PDK1: variants seen among roughly 807,000 people sequenced by gnomAD.
The protein encoded by PDK1 is [Pyruvate dehydrogenase (acetyl-transferring)] kinase isozyme 1, mitochondrial.
In PDK1, 39 loss-of-function variants were observed where a neutral mutation model predicts 54.2. The ratio of observed to expected loss-of-function variants is 0.72; its 90% CI spans 0.56 to 0.94. The LOEUF (loss-of-function observed/expected upper bound fraction) is 0.94, where lower values mean the gene tolerates loss of function less well. Ranked by LOEUF, PDK1 falls within the 40% of genes least tolerant of loss-of-function variation. PDK1 has a pLI of 0.00. For missense variants in PDK1, 552 were observed against 566.0 expected (o/e 0.98, Z 0.25); for synonymous variants, 221 against 207.1 (o/e 1.07, Z -0.58).
chr2:172,653,431 C>A, the PDK1 span, among the ~76,000 whole-genome samples: 5 of 152,034 alleles, frequency 3.3e-5, no homozygotes, highest in African/African-American at 1.2e-4. Context: ...GGTGAAACTC[C>A]ATCTCTACTA....
the PDK1 span, among the ~76,000 whole-genome samples, chr2:172,638,138 C>A: frequency 2.0e-5 from 3 of 152,138 alleles, no homozygotes; most frequent in Non-Finnish European, 4.4e-5. Flanking sequence ...GGTGATCAAC[C>A]AACCTGCCCA....
the PDK1 span, among the ~76,000 whole-genome samples, chr2:172,642,764 G>A: frequency 2.0e-5 from 3 of 147,770 alleles, no homozygotes; most frequent in Non-Finnish European, 4.5e-5. Context: ...TCTCCTCTTC[G>A]TCTTCCTTCT....
At chr2:172,559,035 G>C (rs1257786831) in intron 2 of PDK1, among the ~76,000 whole-genome samples, 186 bp downstream of exon 2, 3 of 152,156 alleles carry the variant, frequency 2.0e-5, no homozygotes, top group African/African-American at 7.2e-5. Context: ...TGCAAGCTCC[G>C]CCTCCCGGGT....
At chr2:172,568,926 A>C in intron 7 of PDK1, 109 bp downstream of exon 7, 2 of 690,810 alleles carry the variant, frequency 2.9e-6, no homozygotes. Context: ...GTGCCATTTC[A>C]CATCAGTATC....
the PDK1 span, among the ~76,000 whole-genome samples, chr2:172,653,843 C>G: frequency 6.6e-6 from 1 of 152,122 alleles, no homozygotes; most frequent in African/African-American, 2.4e-5. Context: ...AGGCAACCTA[C>G]AGAACGGGAG....
rs1292785010 is a variant in PDK1 at position 172,595,937 on chromosome 2, C to T, written c.1279C>T (p.Pro427Ser). The T allele has an allele frequency of 2.5e-6, 4 of 1,613,418 alleles. No individual in the cohort carries two copies. In the African/African-American group the frequency reaches 4.0e-5, roughly 16 times the overall value. The change falls in exon 11 of 11, where the codon CCC becomes TCC. Residue 427 changes from proline (P) to serine (S), a missense_variant. Pro to Ser is a moderately conservative substitution (Grantham distance 74, BLOSUM62 -1). Coordinates refer to ENST00000282077, the MANE Select transcript of PDK1 (RefSeq NM_002610.5). ...TGACTGGTGCGTCCCCAGCAGAGAA[C>T]CCAAAGACATGACGACGTTCCGCAG... ...ADDWCVPSRE[P>S]KDMTTFRSA
downstream of PDK1, among the ~76,000 whole-genome samples, chr2:172,611,267 A>T (rs1691453297): frequency 6.6e-6 from 1 of 152,180 alleles, no homozygotes; most frequent in African/African-American, 2.4e-5. Flanking sequence ...TCTCTCATTG[A>T]CTGTTTTCAT....
chr2:172,652,469 G>C, the PDK1 span, among the ~76,000 whole-genome samples: 376 of 137,348 alleles, frequency 2.7e-3, 6 homozygotes, highest in African/African-American at 0.012. Flanking sequence ...TTCTGGCCAG[G>C]GCAATCAGGC....
At chr2:172,582,578 A>C (rs1331379775) in intron 8 of PDK1, among the ~76,000 whole-genome samples, 1 of 152,182 alleles carries the variant, frequency 6.6e-6, no homozygotes, top group Non-Finnish European at 1.5e-5. Flanking sequence ...TATCTTAATA[A>C]GGTTTCGTGT....
chr2:172,647,862 G>A, the PDK1 span, among the ~76,000 whole-genome samples: 4 of 152,122 alleles, frequency 2.6e-5, no homozygotes, highest in Non-Finnish European at 5.9e-5. Context: ...ACAAAGAAAC[G>A]CAGCAGACAC....
the PDK1 span, among the ~76,000 whole-genome samples, chr2:172,716,950 A>G: frequency 2.0e-5 from 3 of 152,168 alleles, no homozygotes; most frequent in Non-Finnish European, 4.4e-5. Flanking sequence ...CAGTCCAATA[A>G]AATTAAAACC....
chr2:172,678,815 G>A, the PDK1 span: 1 of 152,184 alleles, frequency 6.6e-6, no homozygotes, highest in Non-Finnish European at 1.5e-5. Context: ...TTCAAAGGCA[G>A]AAAAACCTTT....
the PDK1 span, among the ~76,000 whole-genome samples, chr2:172,684,350 A>G: frequency 1.3e-5 from 2 of 152,292 alleles, no homozygotes; most frequent in East Asian, 3.9e-4. Context: ...TAAGCCTGGG[A>G]GGTGGAGATT....
the PDK1 span, among the ~76,000 whole-genome samples, chr2:172,708,593 C>T: frequency 1.2e-4 from 18 of 152,246 alleles, no homozygotes; most frequent in Non-Finnish European, 1.3e-4. Context: ...CTGGGAAAAA[C>T]AGCCAAAATA....
the PDK1 span, among the ~76,000 whole-genome samples, chr2:172,656,142 C>T: frequency 6.6e-6 from 1 of 152,146 alleles, no homozygotes; most frequent in Non-Finnish European, 1.5e-5. Context: ...TCCTCAAGTA[C>T]AATTAGGTAG....
chr2:172,614,908 T>C, the PDK1 span, among the ~76,000 whole-genome samples: 6 of 152,380 alleles, frequency 3.9e-5, no homozygotes, highest in South Asian at 1.2e-3. Flanking sequence ...TTCTGAATTT[T>C]AAGTTGTATT....
Position 172,607,669 on chromosome 2 carries a change from C to CA in PDK1, c.*11701dup, listed in dbSNP as rs1198856804. ...TACTAGGAAGGAGGTTGGCCAAACT[C>CA]AGAGTGGAGGCTGACCCTGTATCTG... is the stretch of plus-strand genomic sequence containing the variant. On this transcript the variant is annotated 3_prime_UTR_variant, in exon 11 of 11. Transcript: ENST00000282077. The CA allele has an allele frequency of 6.6e-6, 1 of 152,258 alleles. No homozygotes were observed. Among genetic ancestry groups the CA allele is most frequent in the Non-Finnish European group, 1.5e-5 (1 of 68,104 alleles). 9.4% of individuals were successfully genotyped at this position (152,258 alleles called of 1,614,324 possible). A position where few individuals can be genotyped will look rare whatever the true frequency, so the allele number is the denominator to read the frequency against.
At chr2:172,583,110 C>G (rs1371517550) in intron 8 of PDK1, among the ~76,000 whole-genome samples, 1 of 152,000 alleles carries the variant, frequency 6.6e-6, no homozygotes, top group Non-Finnish European at 1.5e-5. Context: ...CACATACTTC[C>G]TATTCATGTT....
chr2:172,569,431 A>T (rs898901725), intron 7 of PDK1, among the ~76,000 whole-genome samples: 17 of 152,130 alleles, frequency 1.1e-4, no homozygotes, highest in Non-Finnish European at 2.2e-4. Flanking sequence ...CGCCAATAAT[A>T]CTTGCTGGTT....
Sources: allele counts gnomAD v4.1 joint callset (sites outside exome capture counted in the v4.1 genomes callset), GRCh38; gene constraint gnomAD v4.1.1; transcripts MANE v1.5; gene names NCBI Gene and HGNC (gene_info 2026-07-23, HGNC 2026-07-21).